Variants in PAQR8 observed in about 807,000 individuals in gnomAD.
PAQR8 encodes the protein membrane progestin receptor beta.
PAQR8 carries 17 observed loss-of-function variants against 25.2 expected under a neutral mutation model. The observed-to-expected ratio is 0.67, with a 90% CI of 0.46 to 1.01. The LOEUF is 1.01. Ranked by LOEUF, PAQR8 falls within the 50% of genes least tolerant of loss-of-function variation. The pLI, the probability that PAQR8 is intolerant of heterozygous loss-of-function variation, is 0.00. For missense variants in PAQR8, 392 were observed against 448.4 expected, an observed-to-expected ratio of 0.87 and a Z score of 1.14; for synonymous variants, 204 against 190.6, an observed-to-expected ratio of 1.07 and a Z score of -0.58.
At chr6:52,388,061 C>T (rs926599380) in intron 1 of PAQR8, among the ~76,000 whole-genome samples, 57 of 152,290 alleles carry the variant, frequency 3.7e-4, no homozygotes, top group African/African-American at 1.2e-3. Flanking sequence ...TAATTATTTC[C>T]TTATATATTA....
chr6:52,395,267 C>T (rs1047237949), intron 1 of PAQR8, among the ~76,000 whole-genome samples: 4 of 104,286 alleles, frequency 3.8e-5, no homozygotes, highest in South Asian at 3.3e-4. Flanking sequence ...AGCGAGACTT[C>T]GTCTCAAAAA....
rs777218752 is a variant in PAQR8, at chr6:52,404,101, G to T, written c.888G>T (p.Gln296His). The change falls in exon 2 of 2, where the codon CAG becomes CAT. Residue 296 changes from glutamine to histidine, a missense_variant. Physicochemically the swap from Gln to His is conservative, Grantham distance 24 (BLOSUM62 0). Coordinates refer to ENST00000442253, the MANE Select transcript of PAQR8 (RefSeq NM_133367.5). ...HAFLSICTLS[Q>H]LEAILLDYQG... ...TTCTGTCCATCTGTACGCTCTCCCA[G>T]CTGGAGGCCATCCTCCTGGACTACC... is the stretch of plus-strand genomic sequence containing the variant. 7.4e-6 allele frequency: 12 copies of T among 1,614,240 alleles called. No individual in the cohort carries two copies. The highest frequency in any genetic ancestry group is 1.0e-5 in the Non-Finnish European group (12 of 1,180,040).
intron 1 of PAQR8, among the ~76,000 whole-genome samples, chr6:52,396,747 T>C (rs1017500819): frequency 1.3e-5 from 2 of 152,140 alleles, no homozygotes; most frequent in Non-Finnish European, 2.9e-5. Flanking sequence ...CCAGAAATGT[T>C]GAGATAAAAT....
chr6:52,379,878 C>T (rs758700319), intron 1 of PAQR8, among the ~76,000 whole-genome samples: 1 of 152,066 alleles, frequency 6.6e-6, no homozygotes, highest in Non-Finnish European at 1.5e-5. Context: ...CCGCCTGTCT[C>T]GGCCTCCCAA....
At chr6:52,384,913 A>C (rs1268329812) in intron 1 of PAQR8, among the ~76,000 whole-genome samples, 2 of 152,248 alleles carry the variant, frequency 1.3e-5, no homozygotes, top group Non-Finnish European at 2.9e-5. Context: ...AACAATGGGG[A>C]AAGGATATCC....
chr6:52,388,795 CATG>C (rs1763662694), intron 1 of PAQR8, among the ~76,000 whole-genome samples: 1 of 152,154 alleles, frequency 6.6e-6, no homozygotes, highest in Non-Finnish European at 1.5e-5. Flanking sequence ...CTTAATAAGA[CATG>C]ATGAGTTCTA....
intron 1 of PAQR8, among the ~76,000 whole-genome samples, chr6:52,399,488 T>A (rs1410379269): frequency 6.6e-6 from 1 of 152,228 alleles, no homozygotes; most frequent in African/African-American, 2.4e-5. Flanking sequence ...ACCTGCTATG[T>A]GATGGATACG....
intron 1 of PAQR8, among the ~76,000 whole-genome samples, chr6:52,373,009 A>G (rs1331170082): frequency 6.6e-6 from 1 of 152,096 alleles, no homozygotes; most frequent in African/African-American, 2.4e-5. Flanking sequence ...AAGTTGCCTA[A>G]CTCCAAAGCC....
intron 1 of PAQR8, 53 bp from the exon 2 acceptor site, chr6:52,403,109 A>T: frequency 2.2e-6 from 2 of 908,800 alleles, no homozygotes; most frequent in African/African-American, 1.7e-5. Flanking sequence ...TGTCCGTCTT[A>T]GCTGCATTCG....
Position 52,404,211 on chromosome 6 carries a change from G to A in PAQR8, c.998G>A (p.Cys333Tyr). 1 of 1,613,788 alleles carries A rather than the reference G, an allele frequency of 6.2e-7. No homozygotes were observed. The highest frequency in any genetic ancestry group is 8.5e-7 in the Non-Finnish European group (1 of 1,179,762). ...CTCTCCTTCTTCTTCCTGGCTGCCT[G>A]CAGTGCTGCCACCGCAGCCCTTCTG... ...ACLSFFFLAA[C>Y]SAATAALLRH... Residue 333 changes from cysteine (C) to tyrosine (Y), a missense_variant, in exon 2 of 2, where the codon TGC (cysteine) becomes TAC (tyrosine). Coordinates refer to ENST00000442253, the MANE Select transcript of PAQR8 (RefSeq NM_133367.5).
At chr6:52,398,392 G>C (rs9382105) in intron 1 of PAQR8, among the ~76,000 whole-genome samples, 1 of 151,664 alleles carries the variant, frequency 6.6e-6, no homozygotes, top group Non-Finnish European at 1.5e-5. Flanking sequence ...ATTTTTAGTA[G>C]TGACGGGGTT....
chr6:52,386,595 T>C (rs2113944035), intron 1 of PAQR8, among the ~76,000 whole-genome samples: 1 of 152,320 alleles, frequency 6.6e-6, no homozygotes, highest in African/African-American at 2.4e-5. Flanking sequence ...CACATGTTTT[T>C]ACTTATAAGT....
chr6:52,374,763 G>T (rs1431968617), intron 1 of PAQR8, among the ~76,000 whole-genome samples: 1 of 151,976 alleles, frequency 6.6e-6, no homozygotes, highest in East Asian at 1.9e-4. Flanking sequence ...CATCACAGAA[G>T]CCATATAACT....
Position 52,403,487 on chromosome 6 carries a change from C to G in PAQR8, c.274C>G (p.Arg92Gly). The change falls in exon 2 of 2, where the codon CGA becomes GGA. Residue 92 changes from arginine (R) to glycine (G), a missense_variant. Physicochemically the swap from Arg to Gly is moderately radical, Grantham distance 125. Transcript: ENST00000442253. ...HLLAALAVLL[R>G]FWAFAEAEAL... The stretch of plus-strand genomic sequence containing the variant: ...ACTGGCAGCCCTGGCCGTCCTCTTG[C>G]GATTCTGGGCCTTTGCCGAGGCTGA... The G allele has an allele frequency of 6.2e-7, 1 of 1,614,130 alleles. No individual in the cohort carries two copies. Among genetic ancestry groups the G allele is most frequent in the Non-Finnish European group, 8.5e-7 (1 of 1,180,038 alleles).
rs750530275 is a variant in PAQR8 at position 52,404,200 on chromosome 6, C to T, written c.987C>T (p.Phe329=). Residue 329 remains phenylalanine, a synonymous_variant, in exon 2 of 2, where the codon TTC becomes TTT. Transcript: ENST00000442253. ...ACATGGCCTGCCTCTCCTTCTTCTT[C>T]CTGGCTGCCTGCAGTGCTGCCACCG... The part of the protein sequence containing the change: ...SVHMACLSFF[F]LAACSAATAA... 2.5e-6 allele frequency: 4 copies of T among 1,613,824 alleles called. No individual in the cohort carries two copies. The East Asian group carries it at 8.9e-5, about 36-fold the overall frequency.
At position 52,404,887 on chromosome 6, in the gene PAQR8, C is replaced by A. The variant is rs3180068; in HGVS notation, c.*609C>A. The A allele has an allele frequency of 0.13, 22,445 of 167,382 alleles. 2,053 individuals are homozygous for A. Among genetic ancestry groups the A allele is most frequent in the Admixed American group, 0.3 (4,667 of 15,332 alleles). The allele number at this position is 167,382 out of a possible 1,614,324, so 10.4% of individuals were successfully genotyped here. A position where few individuals can be genotyped will look rare whatever the true frequency, so the allele number is the denominator to read the frequency against. On this transcript the variant is annotated 3_prime_UTR_variant, in exon 2 of 2. Transcript: ENST00000442253. ...GTCTACACCTGGCAGTTTTCTCTGA[C>A]GTGCTGTTCACTCACATCCCTACCT...
In PAQR8 at chr6:52,362,171, C is replaced by G. The variant is rs953692958; in HGVS notation, c.-131C>G. 6 of 151,788 alleles carry G rather than the reference C, an allele frequency of 4.0e-5. No homozygotes were observed. Among genetic ancestry groups the G allele is most frequent in the Non-Finnish European group, 7.4e-5 (5 of 67,944 alleles). The allele number at this position is 151,788 out of a possible 1,614,324, so 9.4% of individuals were successfully genotyped here. Reference sequence around the variant, plus strand: ...CGGTCACAGCCACCCGCGGGAAGCTCGTGGCCGGGACCCCGAGGCGGGAGC... The same window carrying G: ...CGGTCACAGCCACCCGCGGGAAGCTGGTGGCCGGGACCCCGAGGCGGGAGC... On this transcript the variant is annotated 5_prime_UTR_variant, in exon 1 of 2. Transcript: ENST00000442253. The surrounding 1 kb of genome is among the most constrained non-coding windows in gnomAD (Gnocchi z 4.1).
rs1763920366 is a variant in PAQR8, at chr6:52,407,158, C to G, written c.*2880C>G. On this transcript the variant is annotated 3_prime_UTR_variant, in exon 2 of 2. Transcript: ENST00000442253. The stretch of plus-strand genomic sequence containing the variant: ...AATTCTGCTGGTTAACTTTATCTCT[C>G]TCTCTCTTAATTTAGACTTTCAACC... The G allele has an allele frequency of 6.0e-6, 1 of 167,000 alleles. No individual in the cohort carries two copies. Among genetic ancestry groups the G allele is most frequent in the South Asian group, 2.1e-4 (1 of 4,830 alleles). 10.3% of individuals were successfully genotyped at this position (167,000 alleles called of 1,614,324 possible). A position where few individuals can be genotyped will look rare whatever the true frequency, so the allele number is the denominator to read the frequency against.
At position 52,403,711 on chromosome 6, in the gene PAQR8, C is replaced by G. The variant is rs1363409696; in HGVS notation, c.498C>G (p.Ser166Arg). ...GTGCTTTGGCTCATTTCTTCTACAG[C>G]TCTGACCAGGCCTGGTATGACCGGT... ...YGSALAHFFY[S>R]SDQAWYDRFW... Residue 166 changes from serine (S) to arginine (R), a missense_variant, in exon 2 of 2, where the codon AGC (serine) becomes AGG (arginine). Physicochemically the swap from Ser to Arg is moderately radical, Grantham distance 110. Transcript: ENST00000442253. The G allele has an allele frequency of 6.2e-7, 1 of 1,614,254 alleles. No individual in the cohort carries two copies. The highest frequency in any genetic ancestry group is 1.3e-5 in the African/African-American group (1 of 75,080).
Sources: gnomAD v4.1 joint callset for allele counts (sites outside exome capture counted in the v4.1 genomes callset) on GRCh38, gnomAD v4.1.1 for gene constraint, Gnocchi (gnomAD v3.1) non-coding constraint, MANE v1.5 for transcripts, NCBI Gene and HGNC (gene_info 2026-07-23, HGNC 2026-07-21) for gene names.